The following CHD1 variants were observed in gnomAD, a reference collection of about 807,000 sequenced individuals.
CHD1 encodes the protein ATP-dependent chromatin remodeler CHD1.
A neutral mutation model predicts 224.2 loss-of-function variants in CHD1; 36 were observed. That is an observed-to-expected ratio of 0.16 (90% CI 0.12 to 0.21). The LOEUF is 0.21. Among genes scored for constraint, CHD1 ranks in the 10% least tolerant of loss-of-function variants. CHD1 has a pLI of 1.00. For missense variants in CHD1, 1,378 were observed against 1,994.8 expected (o/e 0.69, Z 5.89); for synonymous variants, 668 against 658.3 (o/e 1.01, Z -0.23).
At chr5:98,876,306 T>G (rs559747273) in intron 24 of CHD1, 92 bp downstream of exon 24, 9 of 1,310,364 alleles carry the variant, frequency 6.9e-6, no homozygotes, top group Non-Finnish European at 9.6e-6. Context: ...TTCTAAAACT[T>G]CATCACAATT....
At chr5:98,870,229 G>A (rs1749232305) in intron 29 of CHD1, among the ~76,000 whole-genome samples, 1 of 152,154 alleles carries the variant, frequency 6.6e-6, no homozygotes, top group African/African-American at 2.4e-5. Flanking sequence ...GGTAGTTATT[G>A]ACATTATGGT....
chr5:98,874,841 C>T (rs1451958394), intron 25 of CHD1, among the ~76,000 whole-genome samples: 1 of 151,946 alleles, frequency 6.6e-6, no homozygotes, highest in South Asian at 2.1e-4. Flanking sequence ...CATAAAAGTG[C>T]AATTTAAACA....
At chr5:98,899,426 G>T in intron 8 of CHD1, 54 bp downstream of exon 8, 1 of 1,094,324 alleles carries the variant, frequency 9.1e-7, no homozygotes, top group South Asian at 1.3e-5. Flanking sequence ...TTAACATAAA[G>T]GTTTAGTAAT....
intron 12 of CHD1, 116 bp downstream of exon 12, chr5:98,896,110 A>G: frequency 4.9e-6 from 4 of 819,812 alleles, no homozygotes; most frequent in Non-Finnish European, 8.0e-6. Context: ...AGCCAAGATC[A>G]TACCACTGCA....
chr5:98,917,517 G>C (rs942185472), intron 2 of CHD1, among the ~76,000 whole-genome samples: 1 of 152,162 alleles, frequency 6.6e-6, no homozygotes, highest in African/African-American at 2.4e-5. Flanking sequence ...CTACCACGTA[G>C]TAGTTGCTCA....
At chr5:98,901,950 T>C (rs1414139018) in intron 5 of CHD1, among the ~76,000 whole-genome samples, 2 of 152,122 alleles carry the variant, frequency 1.3e-5, no homozygotes, top group African/African-American at 2.4e-5. Flanking sequence ...CTATATCCTA[T>C]TTCAGCTATG....
intron 32 of CHD1, among the ~76,000 whole-genome samples, chr5:98,861,301 G>A (rs2112455984): frequency 6.6e-6 from 1 of 152,252 alleles, no homozygotes; most frequent in East Asian, 1.9e-4. Context: ...CAGCTAGAAT[G>A]AGGCATATTT....
At chr5:98,858,421 C>T (rs747473294) in intron 34 of CHD1, 31 bp from the exon 35 acceptor site, 5 of 1,554,270 alleles carry the variant, frequency 3.2e-6, no homozygotes, top group Non-Finnish European at 3.5e-6. Flanking sequence ...TTATTAATGA[C>T]CTTAAAAATA....
chr5:98,858,658 A>C (rs1464827603), intron 34 of CHD1: 1 of 437,828 alleles, frequency 2.3e-6, no homozygotes, highest in Non-Finnish European at 4.0e-6. Flanking sequence ...TGATACAGAA[A>C]GAATGCATTA....
intron 2 of CHD1, among the ~76,000 whole-genome samples, chr5:98,912,079 T>C (rs916064699): frequency 6.6e-6 from 1 of 152,050 alleles, no homozygotes; most frequent in African/African-American, 2.4e-5. Context: ...TTAAAAAATA[T>C]ATACTGAAGT....
At chr5:98,869,331 A>G (rs966843271) in intron 30 of CHD1, 37 of 904,224 alleles carry the variant, frequency 4.1e-5, no homozygotes, top group Middle Eastern at 5.6e-4. Context: ...AACAACGACT[A>G]ATTTTTCTTC....
chr5:98,885,493 A>C, intron 18 of CHD1, 85 bp downstream of exon 18: 2 of 854,766 alleles, frequency 2.3e-6, no homozygotes, highest in South Asian at 3.2e-5. Context: ...ACTAGATATG[A>C]AGATTAAAAA....
intron 5 of CHD1, among the ~76,000 whole-genome samples, chr5:98,902,150 C>A (rs1026054855): frequency 4.0e-5 from 6 of 151,648 alleles, no homozygotes; most frequent in Non-Finnish European, 5.9e-5. Context: ...GGAAAAAAAA[C>A]TGGATGATCC....
At chr5:98,911,146 A>ATCTATATATATATATATATATATAT (rs1554081078) in intron 2 of CHD1, among the ~76,000 whole-genome samples, 5 of 39,134 alleles carry the variant, frequency 1.3e-4, no homozygotes, top group East Asian at 1.4e-3. Flanking sequence ...AAAAAAAAAA[A>ATCTATATATATATATATATATATAT]ATATATATAT....
chr5:98,885,593 A>G lies in CHD1; in HGVS notation c.2553T>C (p.Asn851=). ...ELRKQALDHF[N]AEGSEDFCFL... is the part of the protein sequence containing the mutation. ...TAATACATACCTCTGATCCCTCAGCATTAAAATGATCTAGAGCTTGTTTCC... is the reference window on the plus strand; with the variant it reads ...TAATACATACCTCTGATCCCTCAGCGTTAAAATGATCTAGAGCTTGTTTCC... The change falls in exon 18 of 36, where the codon AAT becomes AAC. Residue 851 remains asparagine, a synonymous_variant. Coordinates refer to ENST00000614616, the MANE Select transcript of CHD1 (RefSeq NM_001270.4). The G allele has an allele frequency of 6.3e-7, 1 of 1,598,710 alleles. No individual in the cohort carries two copies. The highest frequency in any genetic ancestry group is 8.6e-7 in the Non-Finnish European group (1 of 1,169,560).
chr5:98,879,517 AC>A (rs1329612630), intron 23 of CHD1, 34 bp downstream of exon 23: 1 of 1,560,058 alleles, frequency 6.4e-7, no homozygotes, highest in Non-Finnish European at 8.6e-7. Flanking sequence ...GAATACTCTT[AC>A]TTTATAGAAA....
Position 98,856,744 on chromosome 5 carries a change from G to A in CHD1, c.4788-19C>T. ...GTAATATCTAATAAAGAAAAATTGA[G>A]AATTTTAGACAAATCATGCAAATTA... On this transcript the variant is annotated intron_variant, in intron 35 of 35. Transcript: ENST00000614616. The A allele has an allele frequency of 2.1e-6, 3 of 1,458,504 alleles. No individual in the cohort carries two copies. The highest frequency in any genetic ancestry group is 2.8e-6 in the Non-Finnish European group (3 of 1,063,448). The allele number at this position is 1,458,504 out of a possible 1,614,324, so 90.3% of individuals were successfully genotyped here. A position where few individuals can be genotyped will look rare whatever the true frequency, so the allele number is the denominator to read the frequency against.
At chr5:98,868,710 A>G in intron 30 of CHD1, 75 bp from the exon 31 acceptor site, 2 of 1,300,120 alleles carry the variant, frequency 1.5e-6, no homozygotes, top group Non-Finnish European at 2.1e-6. Flanking sequence ...CACTTCCAGA[A>G]AATAATTACT....
intron 22 of CHD1, 107 bp from the exon 23 acceptor site, chr5:98,879,835 T>C: frequency 1.5e-6 from 1 of 660,302 alleles, no homozygotes; most frequent in Non-Finnish European, 2.5e-6. Flanking sequence ...TGAACATGGC[T>C]GTGGACTAAA....
Sources: gnomAD v4.1 joint callset for allele counts (sites outside exome capture counted in the v4.1 genomes callset) on GRCh38, gnomAD v4.1.1 for gene constraint, MANE v1.5 for transcripts, NCBI Gene and HGNC (gene_info 2026-07-23, HGNC 2026-07-21) for gene names.